SERPINE2: variants seen among roughly 807,000 people sequenced by gnomAD.
SERPINE2 encodes serpin family E member 2.
SERPINE2 carries 14 observed loss-of-function variants against 36.3 expected under a neutral mutation model. The observed-to-expected ratio is 0.39, with a 90% CI of 0.25 to 0.60. The LOEUF is 0.60. Among genes scored for constraint, SERPINE2 ranks in the 20% least tolerant of loss-of-function variants. The pLI is 0.57. For synonymous variants in SERPINE2, 192 were observed against 191.8 expected (o/e 1.00, Z -0.01); for missense variants, 418 against 499.6 (o/e 0.84, Z 1.56).
intron 1 of SERPINE2, chr2:224,031,558 A>T: frequency 2.1e-6 from 2 of 949,348 alleles, no homozygotes; most frequent in Non-Finnish European, 2.5e-6. Flanking sequence ...AGGGCATGTG[A>T]CCACGTGACC....
chr2:224,020,149 T>C (rs1310953919), intron 1 of SERPINE2, among the ~76,000 whole-genome samples: 3 of 152,222 alleles, frequency 2.0e-5, no homozygotes, highest in African/African-American at 7.2e-5. Flanking sequence ...TACATCATTT[T>C]AGTGGGAACA....
intron 1 of SERPINE2, among the ~76,000 whole-genome samples, chr2:224,007,688 T>C (rs1288167067): frequency 2.0e-5 from 3 of 152,250 alleles, no homozygotes; most frequent in Non-Finnish European, 2.9e-5. Context: ...GCTCCATACA[T>C]TGCAACTGGT....
At chr2:224,033,866 G>A (rs1302726944) in intron 1 of SERPINE2, among the ~76,000 whole-genome samples, 2 of 152,160 alleles carry the variant, frequency 1.3e-5, no homozygotes, top group African/African-American at 4.8e-5. Context: ...AAGTGCTTCT[G>A]TATTAGACTT....
At chr2:224,022,825 G>A (rs565063339) in intron 1 of SERPINE2, among the ~76,000 whole-genome samples, 14 of 152,302 alleles carry the variant, frequency 9.2e-5, no homozygotes, top group African/African-American at 2.9e-4. Flanking sequence ...GCCAAGGGCA[G>A]GACCAGGTGG....
intron 4 of SERPINE2, among the ~76,000 whole-genome samples, chr2:223,987,003 C>T (rs2106143388): frequency 6.6e-6 from 1 of 152,202 alleles, no homozygotes; most frequent in South Asian, 2.1e-4. Context: ...CACTCAAGTA[C>T]TGCATCCTTT....
At chr2:224,018,529 G>A (rs1691876068) in intron 1 of SERPINE2, among the ~76,000 whole-genome samples, 1 of 151,502 alleles carries the variant, frequency 6.6e-6, no homozygotes, top group African/African-American at 2.4e-5. Flanking sequence ...ACTGGAAGAT[G>A]AGGTAATCCA....
Position 223,998,139 on chromosome 2 carries a change from C to T in SERPINE2, c.463G>A (p.Ala155Thr). ...DPASACDSINAWVKNETRDMI... is the reference protein window; with the variant it reads ...DPASACDSINTWVKNETRDMI... ...CCCCTGGTTTCATTTTTAACCCATG[C>T]ATTGATGGAATCACAGGCAGAGGCT... Residue 155 changes from alanine (A) to threonine (T), a missense_variant, in exon 3 of 9, where the codon GCA becomes ACA. Physicochemically the swap from Ala to Thr is moderately conservative, Grantham distance 58 (BLOSUM62 0). Transcript: ENST00000409304. 1 of 1,614,134 alleles carries T rather than the reference C, an allele frequency of 6.2e-7. No homozygotes were observed. Among genetic ancestry groups the T allele is most frequent in the Non-Finnish European group, 8.5e-7 (1 of 1,179,978 alleles).
chr2:224,024,471 AG>A (rs1268195886), intron 1 of SERPINE2, among the ~76,000 whole-genome samples: 1 of 152,174 alleles, frequency 6.6e-6, no homozygotes, highest in Non-Finnish European at 1.5e-5. Context: ...TGCCTTGTGA[AG>A]GGATTTAAGG....
At chr2:224,005,069 A>ATATTTATATATATATATATATATATATT (rs1310760240) in intron 1 of SERPINE2, among the ~76,000 whole-genome samples, 1 of 30,256 alleles carries the variant, frequency 3.3e-5, no homozygotes. Context: ...TATATATTAT[A>ATATTTATATATATATATATATATATATT]TATATATATA....
intron 6 of SERPINE2, chr2:223,981,437 T>C (rs1354590795): frequency 6.6e-6 from 1 of 152,236 alleles, no homozygotes; most frequent in African/African-American, 2.4e-5. Flanking sequence ...ACACCCAAGA[T>C]TGTGCATTTC....
At chr2:224,012,959 G>A (rs1691682785) in intron 1 of SERPINE2, among the ~76,000 whole-genome samples, 1 of 152,152 alleles carries the variant, frequency 6.6e-6, no homozygotes, top group South Asian at 2.1e-4. Context: ...TATACACTAA[G>A]ATGAATGTTA....
intron 1 of SERPINE2, among the ~76,000 whole-genome samples, chr2:224,029,012 C>A (rs1692275920): frequency 6.6e-6 from 1 of 152,218 alleles, no homozygotes; most frequent in Non-Finnish European, 1.5e-5. Flanking sequence ...ATACTTTCCA[C>A]TATGCTAAAT....
intron 1 of SERPINE2, among the ~76,000 whole-genome samples, chr2:224,026,936 T>C (rs774034494): frequency 9.2e-5 from 14 of 152,196 alleles, no homozygotes; most frequent in Admixed American, 5.2e-4. Flanking sequence ...AGAGACTAAA[T>C]AGCCAACTCT....
intron 2 of SERPINE2, among the ~76,000 whole-genome samples, chr2:223,999,538 C>A (rs1236198778): frequency 6.6e-6 from 1 of 152,126 alleles, no homozygotes; most frequent in East Asian, 1.9e-4. Context: ...GGCTTTACAA[C>A]GTGCATGGCC....
intron 6 of SERPINE2, chr2:223,980,938 G>A (rs1303085786): frequency 6.5e-6 from 1 of 152,820 alleles, no homozygotes; most frequent in Non-Finnish European, 1.5e-5. Context: ...TGTCGAACAA[G>A]AGAAGAGTTT....
chr2:223,989,536 G>A (rs140023614), intron 4 of SERPINE2, among the ~76,000 whole-genome samples: 17 of 152,256 alleles, frequency 1.1e-4, no homozygotes, highest in Admixed American at 3.3e-4. Flanking sequence ...CACAAATGGC[G>A]GTACTTTCTT....
chr2:223,979,571 T>C (rs1690146131), intron 7 of SERPINE2: 1 of 152,216 alleles, frequency 6.6e-6, no homozygotes, highest in African/African-American at 2.4e-5. Context: ...ATTCATCTAT[T>C]TTCCTACGGA....
chr2:224,037,755 A>T (rs2106209047), intron 1 of SERPINE2, among the ~76,000 whole-genome samples: 1 of 152,346 alleles, frequency 6.6e-6, no homozygotes, highest in Non-Finnish European at 1.5e-5. Flanking sequence ...CAGTACTTTT[A>T]AAATTAAACT....
At position 223,975,869 on chromosome 2, in the gene SERPINE2, AG is replaced by A; in HGVS notation, c.1191del (p.Ter398GlufsTer43). ...AVLFMGQINKP is the reference protein window; with the variant it reads ...AVLFMGQINKX ...GCATGGTTTCTTTTGTATACTCTTC[AG>A]GGTTTGTTTATCTGCCCCATGAATA... On this transcript the variant is annotated frameshift_variant, in exon 9 of 9. Transcript: ENST00000409304. LOFTEE classifies it high-confidence loss of function. The A allele has an allele frequency of 6.3e-7, 1 of 1,592,326 alleles. No individual in the cohort carries two copies. Among genetic ancestry groups the A allele is most frequent in the Non-Finnish European group, 8.6e-7 (1 of 1,165,806 alleles).
Sources: gnomAD v4.1 joint callset for allele counts (sites outside exome capture counted in the v4.1 genomes callset) on GRCh38, gnomAD v4.1.1 for gene constraint, MANE v1.5 for transcripts, NCBI Gene and HGNC (gene_info 2026-07-23, HGNC 2026-07-21) for gene names.